The following SHISA6 variants were observed in gnomAD, a reference collection of about 807,000 sequenced individuals.
SHISA6 encodes the protein protein shisa-6.
A neutral mutation model predicts 47.9 loss-of-function variants in SHISA6; 22 were observed. The ratio of observed to expected loss-of-function variants is 0.46; its 90% CI spans 0.33 to 0.66. The LOEUF is 0.66. Ranked by LOEUF, SHISA6 falls within the 30% of genes least tolerant of loss-of-function variation. The probability of loss-of-function intolerance (pLI) is 0.02; values close to 1 mark genes in which losing one functional copy is unlikely to be tolerated. For synonymous variants in SHISA6, 388 were observed against 337.8 expected, an observed-to-expected ratio of 1.15 and a Z score of -1.63; for missense variants, 680 against 764.6, an observed-to-expected ratio of 0.89 and a Z score of 1.30.
chr17:11,552,870 C>T lies in SHISA6; in HGVS notation c.952+918C>T, dbSNP rs575695545. Among the ~76,000 whole-genome samples, 7 of 152,210 alleles carry T rather than the reference C, an allele frequency of 4.6e-5. No homozygotes were observed. In the South Asian group the frequency reaches 1.5e-3, roughly 32 times the overall value. The stretch of plus-strand genomic sequence containing the variant: ...GGTTGTGGGGTCTAAAAAGTTAGAA[C>T]TGGGAGAAACTGGGGAGATCAGTGA... On this transcript the variant is annotated intron_variant, in intron 4 of 5. Coordinates refer to ENST00000441885, the MANE Select transcript of SHISA6 (RefSeq NM_207386.4).
At chr17:11,543,109 T>C (rs112364726) in intron 3 of SHISA6, among the ~76,000 whole-genome samples, 6 of 152,258 alleles carry the variant, frequency 3.9e-5, no homozygotes, top group African/African-American at 1.4e-4. Flanking sequence ...AGGAAGACAT[T>C]TAAAACATTA....
intron 4 of SHISA6, among the ~76,000 whole-genome samples, chr17:11,554,714 C>T (rs2142389741): frequency 6.6e-6 from 1 of 152,296 alleles, no homozygotes; most frequent in East Asian, 1.9e-4. Flanking sequence ...ATGGCAGCCA[C>T]TCATTGACTT....
chr17:11,412,428 CTTGG>C (rs1914147100), intron 3 of SHISA6, among the ~76,000 whole-genome samples: 4 of 152,110 alleles, frequency 2.6e-5, no homozygotes, highest in Non-Finnish European at 5.9e-5. Flanking sequence ...ACATTTATTT[CTTGG>C]TAAGAAACAT....
At chr17:11,249,229 G>A (rs1218056700) in intron 1 of SHISA6, among the ~76,000 whole-genome samples, 1 of 151,932 alleles carries the variant, frequency 6.6e-6, no homozygotes, top group East Asian at 1.9e-4. Context: ...AGACCTACCG[G>A]ATCAATGCAG....
At chr17:11,486,946 G>A (rs182005147) in intron 3 of SHISA6, among the ~76,000 whole-genome samples, 2 of 152,188 alleles carry the variant, frequency 1.3e-5, no homozygotes, top group Admixed American at 6.5e-5. Flanking sequence ...GGCCAAATCC[G>A]GTGCCACCTG....
intron 2 of SHISA6, among the ~76,000 whole-genome samples, chr17:11,283,976 C>G (rs1207490481): frequency 6.6e-6 from 1 of 152,106 alleles, no homozygotes; most frequent in Non-Finnish European, 1.5e-5. Flanking sequence ...TTTTAGTTCT[C>G]CTAAGTTTTC....
At chr17:11,425,495 A>G (rs574856357) in intron 3 of SHISA6, among the ~76,000 whole-genome samples, 8 of 152,160 alleles carry the variant, frequency 5.3e-5, no homozygotes, top group South Asian at 2.1e-4. Flanking sequence ...TCTGCCTCCA[A>G]TTTTTCAGAT....
At chr17:11,285,183 C>T (rs954674848) in intron 2 of SHISA6, among the ~76,000 whole-genome samples, 6 of 152,204 alleles carry the variant, frequency 3.9e-5, no homozygotes, top group Admixed American at 3.3e-4. Context: ...GTTAGGGTGT[C>T]TGCTTATTCC....
intron 3 of SHISA6, among the ~76,000 whole-genome samples, chr17:11,417,857 C>T (rs573065743): frequency 1.6e-4 from 24 of 152,242 alleles, no homozygotes; most frequent in Middle Eastern, 3.4e-3. Flanking sequence ...TAGGAAAATG[C>T]TTAGTCGATC....
intron 3 of SHISA6, chr17:11,379,860 C>T: frequency 4.1e-6 from 1 of 244,216 alleles, no homozygotes; most frequent in South Asian, 4.7e-5. Context: ...GGCTATTATT[C>T]CTTTTCCTTT....
intron 2 of SHISA6, among the ~76,000 whole-genome samples, chr17:11,308,125 C>A (rs1597450836): frequency 1.3e-5 from 2 of 152,080 alleles, no homozygotes; most frequent in Admixed American, 6.6e-5. Flanking sequence ...GGTTAGGGGG[C>A]CTTTAGAAAT....
chr17:11,334,787 C>T (rs1911262065), intron 2 of SHISA6, among the ~76,000 whole-genome samples: 1 of 152,238 alleles, frequency 6.6e-6, no homozygotes, highest in Non-Finnish European at 1.5e-5. Context: ...CTTGGCACAG[C>T]TGCCTGTAGG....
chr17:11,547,433 A>G (rs2071892580), intron 3 of SHISA6, among the ~76,000 whole-genome samples: 2 of 152,198 alleles, frequency 1.3e-5, no homozygotes, highest in South Asian at 2.1e-4. Context: ...AAACCCAAAC[A>G]TTTTGAATTT....
At chr17:11,418,405 T>C (rs1413702686) in intron 3 of SHISA6, among the ~76,000 whole-genome samples, 1 of 152,136 alleles carries the variant, frequency 6.6e-6, no homozygotes, top group Non-Finnish European at 1.5e-5. Context: ...ACCTTCTTGA[T>C]CATCTCTCCT....
chr17:11,272,197 A>G (rs1341642194), intron 2 of SHISA6, among the ~76,000 whole-genome samples: 1 of 152,010 alleles, frequency 6.6e-6, no homozygotes, highest in African/African-American at 2.4e-5. Flanking sequence ...AGCTCTGCCT[A>G]CTCAAACACA....
At chr17:11,335,950 A>G (rs1426830750) in intron 2 of SHISA6, among the ~76,000 whole-genome samples, 2 of 152,026 alleles carry the variant, frequency 1.3e-5, no homozygotes, top group African/African-American at 2.4e-5. Flanking sequence ...TAGTCCCAGC[A>G]CTTTGGGAGG....
chr17:11,494,384 T>C (rs2071391140), intron 3 of SHISA6, among the ~76,000 whole-genome samples: 1 of 152,196 alleles, frequency 6.6e-6, no homozygotes, highest in Admixed American at 6.5e-5. Flanking sequence ...GTTTTCTGAA[T>C]TGTTTGTTAC....
At chr17:11,550,395 G>T (rs1243696332) in intron 3 of SHISA6, among the ~76,000 whole-genome samples, 1 of 152,126 alleles carries the variant, frequency 6.6e-6, no homozygotes, top group East Asian at 1.9e-4. Context: ...TTCACCAAGG[G>T]AATGCTGGAT....
At chr17:11,247,244 G>C (rs1035988673) in intron 1 of SHISA6, among the ~76,000 whole-genome samples, 2 of 152,158 alleles carry the variant, frequency 1.3e-5, no homozygotes, top group African/African-American at 4.8e-5. Context: ...AGCTCCAGAC[G>C]GACAGTCCTA....
Sources: gnomAD v4.1 joint callset for allele counts (sites outside exome capture counted in the v4.1 genomes callset) on GRCh38, gnomAD v4.1.1 for gene constraint, MANE v1.5 for transcripts, NCBI Gene and HGNC (gene_info 2026-07-23, HGNC 2026-07-21) for gene names.